Variants in VSIG10 observed in about 807,000 individuals in gnomAD.
VSIG10 encodes the protein V-set and immunoglobulin domain-containing protein 10.
VSIG10 carries 48 observed loss-of-function variants against 58.7 expected under a neutral mutation model. The observed-to-expected ratio is 0.82, with a 90% CI of 0.65 to 1.04. The LOEUF (loss-of-function observed/expected upper bound fraction) is 1.04, where lower values mean the gene tolerates loss of function less well. VSIG10 is among the 50% of genes least tolerant of loss of function. VSIG10 has a pLI of 0.00. For synonymous variants in VSIG10, 260 were observed against 267.1 expected, an observed-to-expected ratio of 0.97 and a Z score of 0.26; for missense variants, 628 against 670.0, an observed-to-expected ratio of 0.94 and a Z score of 0.69.
In VSIG10 at chr12:118,068,451, T is replaced by C. The variant is rs372240626; in HGVS notation, c.1493A>G (p.Asp498Gly). The C allele has an allele frequency of 7.0e-5, 113 of 1,613,790 alleles. 1 individual carries two copies. Among genetic ancestry groups the C allele is most frequent in the South Asian group, 3.2e-4 (29 of 91,080 alleles). ...CAAGGCGGTCACTCTGTGAATGTGG[T>C]CCTGCTTAGGTATTTCTTTTGGCAA... ...EELPKEIPKQ[D>G]HIHRVTALVN... Residue 498 changes from aspartate (D) to glycine (G), a missense_variant, in exon 8 of 9, where the codon GAC becomes GGC. Coordinates refer to ENST00000359236, the MANE Select transcript of VSIG10 (RefSeq NM_019086.6).
Position 118,079,558 on chromosome 12 carries a change from G to C in VSIG10, c.713C>G (p.Ser238Trp). The change falls in exon 4 of 9, where the codon TCG (serine) becomes TGG (tryptophan). Residue 238 changes from serine to tryptophan, a missense_variant. Transcript: ENST00000359236. ...PQCWAQMASG[S>W]FMLQLTCRWD... is the part of the protein sequence containing the mutation. ...GCGACAGGTAAGCTGCAACATGAAC[G>C]ATCCTGATGCCATCTGTGCCCAGCA... 6.2e-7 allele frequency: 1 copy of C among 1,614,010 alleles called. No individual in the cohort carries two copies. Among genetic ancestry groups the C allele is most frequent in the Non-Finnish European group, 8.5e-7 (1 of 1,179,894 alleles).
rs376058371 is a variant in VSIG10, at chr12:118,069,106, T to C, written c.1347-509A>G. 1.9e-4 allele frequency among the ~76,000 whole-genome samples: 29 copies of C among 149,160 alleles called. No homozygotes were observed. In the East Asian group the frequency reaches 6.1e-3, roughly 31 times the overall value. On this transcript the variant is annotated intron_variant, in intron 7 of 8. Coordinates refer to ENST00000359236, the MANE Select transcript of VSIG10 (RefSeq NM_019086.6). ...TATACATTTCTTTTTTTTTTCTTTTTCGGGATAGAGTCTTGCGCTGTTGCC... is the reference window on the plus strand; with the variant it reads ...TATACATTTCTTTTTTTTTTCTTTTCCGGGATAGAGTCTTGCGCTGTTGCC...
chr12:118,064,077 C>G lies in VSIG10; in HGVS notation c.*2562G>C, dbSNP rs559414714. 208 of 152,268 alleles carry G rather than the reference C, an allele frequency of 1.4e-3. No homozygotes were observed. Among genetic ancestry groups the G allele is most frequent in the African/African-American group, 4.9e-3 (203 of 41,548 alleles). 9.4% of individuals were successfully genotyped at this position (152,268 alleles called of 1,614,324 possible). ...CATGCAGATAAGATTTTTTTTAAAG[C>G]ACAGTGTAACAACTTGGACTTTGCC... On this transcript the variant is annotated 3_prime_UTR_variant, in exon 9 of 9. Transcript: ENST00000359236.
chr12:118,102,589 G>GT (rs1314294192), intron 1 of VSIG10: 1 of 151,584 alleles, frequency 6.6e-6, no homozygotes, highest in Non-Finnish European at 1.5e-5. Context: ...TAAATGGTTG[G>GT]TTAAAAAAAA....
chr12:118,090,483 A>T (rs1029829562), intron 2 of VSIG10, among the ~76,000 whole-genome samples: 4 of 152,194 alleles, frequency 2.6e-5, no homozygotes, highest in Admixed American at 2.0e-4. Context: ...TTCAATCCAT[A>T]GCACAGGTCC....
chr12:118,079,224 G>A (rs2032849512), intron 4 of VSIG10, 122 bp downstream of exon 4: 4 of 1,355,088 alleles, frequency 3.0e-6, no homozygotes, highest in Non-Finnish European at 3.9e-6. Context: ...GGGAGAAAGG[G>A]AAGGAATTCA....
chr12:118,097,534 G>GA (rs2033497267), intron 1 of VSIG10, among the ~76,000 whole-genome samples: 1 of 152,022 alleles, frequency 6.6e-6, no homozygotes, highest in African/African-American at 2.4e-5. Context: ...AGAATCACTT[G>GA]AACCCAGGAG....
intron 2 of VSIG10, among the ~76,000 whole-genome samples, chr12:118,094,989 C>T (rs1177085909): frequency 4.6e-5 from 7 of 152,002 alleles, no homozygotes; most frequent in South Asian, 4.1e-4. Flanking sequence ...CTGCAACCTC[C>T]GCCTCCCAGG....
intron 2 of VSIG10, among the ~76,000 whole-genome samples, chr12:118,091,261 G>A (rs980732872): frequency 2.0e-5 from 3 of 152,152 alleles, no homozygotes; most frequent in Non-Finnish European, 2.9e-5. Flanking sequence ...GGGAGGTCGA[G>A]GCAGGCGGAT....
At chr12:118,071,310 C>A (rs1227116450) in intron 6 of VSIG10, 49 bp downstream of exon 6, 10 of 1,566,178 alleles carry the variant, frequency 6.4e-6, no homozygotes, top group Non-Finnish European at 7.9e-6. Flanking sequence ...CCATCCCGCA[C>A]CTTTTCAAAA....
rs1017680001 is a variant in VSIG10 at position 118,064,841 on chromosome 12, G to C, written c.*1798C>G. ...GACCTTCCCCAACCACACCTGCAGG[G>C]TTACTTCAGACAACCAGCTTCTCAT... is the stretch of plus-strand genomic sequence containing the variant. On this transcript the variant is annotated 3_prime_UTR_variant, in exon 9 of 9. Coordinates refer to ENST00000359236, the MANE Select transcript of VSIG10 (RefSeq NM_019086.6). The C allele has an allele frequency of 1.2e-4, 18 of 152,132 alleles. No individual in the cohort carries two copies. Among genetic ancestry groups the C allele is most frequent in the African/African-American group, 4.3e-4 (18 of 41,396 alleles). The allele number at this position is 152,132 out of a possible 1,614,324, so 9.4% of individuals were successfully genotyped here. A position where few individuals can be genotyped will look rare whatever the true frequency, so the allele number is the denominator to read the frequency against.
intron 4 of VSIG10, 44 bp from the exon 5 acceptor site, chr12:118,074,036 C>T: frequency 6.6e-7 from 1 of 1,510,102 alleles, no homozygotes; most frequent in Non-Finnish European, 8.9e-7. Flanking sequence ...TAAAGAGATT[C>T]AAGTCATGGC....
intron 2 of VSIG10, among the ~76,000 whole-genome samples, chr12:118,085,617 T>C (rs2033099896): frequency 6.6e-6 from 1 of 152,130 alleles, no homozygotes; most frequent in Non-Finnish European, 1.5e-5. Flanking sequence ...ATCCCAGCAT[T>C]TTGGGAGGCC....
chr12:118,082,047 G>A, intron 3 of VSIG10, 80 bp downstream of exon 3: 3 of 1,332,892 alleles, frequency 2.3e-6, no homozygotes, highest in Non-Finnish European at 3.0e-6. Flanking sequence ...AAGACAAATG[G>A]GAGAGGCACA....
intron 5 of VSIG10, 106 bp from the exon 6 acceptor site, chr12:118,071,575 C>G: frequency 9.6e-7 from 1 of 1,039,666 alleles, no homozygotes; most frequent in Non-Finnish European, 1.5e-6. Context: ...GATTCCTGAC[C>G]TTGGGTAAGG....
At position 118,064,909 on chromosome 12, in the gene VSIG10, T is replaced by C. The variant is rs1248863749; in HGVS notation, c.*1730A>G. ...TAGAATTGGAGAAAGGAAGTTCCCC[T>C]TTAAGCCCTAGGTCCTGCCCACTAG... On this transcript the variant is annotated 3_prime_UTR_variant, in exon 9 of 9. Coordinates refer to ENST00000359236, the MANE Select transcript of VSIG10 (RefSeq NM_019086.6). The C allele has an allele frequency of 6.6e-6, 1 of 152,220 alleles. No homozygotes were observed. The highest frequency in any genetic ancestry group is 1.5e-5 in the Non-Finnish European group (1 of 68,032). The allele number at this position is 152,220 out of a possible 1,614,324, so 9.4% of individuals were successfully genotyped here.
At position 118,080,740 on chromosome 12, in the gene VSIG10, A is replaced by G. The variant is rs144440066; in HGVS notation, c.665-1134T>C. ...CATGCCTCAATATAGACGAACCTCA[A>G]AAACATGAAGCCAGGTGAAAGAAGC... On this transcript the variant is annotated intron_variant, in intron 3 of 8. Coordinates refer to ENST00000359236, the MANE Select transcript of VSIG10 (RefSeq NM_019086.6). Among the ~76,000 whole-genome samples, 47 of 152,292 alleles carry G rather than the reference A, an allele frequency of 3.1e-4. 1 individual carries two copies. Among genetic ancestry groups the G allele is most frequent in the African/African-American group, 6.3e-4 (26 of 41,568 alleles).
At chr12:118,079,706 T>G in intron 3 of VSIG10, 100 bp from the exon 4 acceptor site, 2 of 1,487,818 alleles carry the variant, frequency 1.3e-6, no homozygotes, top group Non-Finnish European at 1.8e-6. Context: ...CAGAGGGACA[T>G]CAACCCCAGT....
At position 118,084,656 on chromosome 12, in the gene VSIG10, A is replaced by T. The variant is rs1377110756; in HGVS notation, c.362-2227T>A. Among the ~76,000 whole-genome samples, 6 of 152,210 alleles carry T rather than the reference A, an allele frequency of 3.9e-5. No individual in the cohort carries two copies. In the East Asian group the frequency reaches 1.2e-3, roughly 29 times the overall value. ...CGCTTTGGGAGGCCGAGGTGGGTGGATCGCTTGAGGTCAGGAGTTTGAGAC... is the reference window on the plus strand; with the variant it reads ...CGCTTTGGGAGGCCGAGGTGGGTGGTTCGCTTGAGGTCAGGAGTTTGAGAC... On this transcript the variant is annotated intron_variant, in intron 2 of 8. Coordinates refer to ENST00000359236, the MANE Select transcript of VSIG10 (RefSeq NM_019086.6).
Sources: gnomAD v4.1 joint callset for allele counts (sites outside exome capture counted in the v4.1 genomes callset) on GRCh38, gnomAD v4.1.1 for gene constraint, MANE v1.5 for transcripts, NCBI Gene and HGNC (gene_info 2026-07-23, HGNC 2026-07-21) for gene names.